The following USP34 variants were observed in gnomAD, a reference collection of about 807,000 sequenced individuals.
The protein encoded by USP34 is ubiquitin specific peptidase 34.
A neutral mutation model predicts 460.3 loss-of-function variants in USP34; 70 were observed. That is an observed-to-expected ratio of 0.15 (90% CI 0.13 to 0.19). The LOEUF (loss-of-function observed/expected upper bound fraction) is 0.19. Among genes scored for constraint, USP34 ranks in the 10% least tolerant of loss-of-function variants. The probability of loss-of-function intolerance (pLI) is 1.00; values close to 1 mark genes in which losing one functional copy is unlikely to be tolerated. For synonymous variants in USP34, 1,647 were observed against 1,405.3 expected (o/e 1.17, Z -3.85); for missense variants, 3,985 against 4,236.2 (o/e 0.94, Z 1.65).
intron 8 of USP34, among the ~76,000 whole-genome samples, chr2:61,377,115 G>A (rs1005930036): frequency 8.5e-5 from 13 of 152,144 alleles, no homozygotes; most frequent in African/African-American, 3.1e-4. Flanking sequence ...CTCATATAGT[G>A]ATAAATCCAA....
At chr2:61,360,897 T>C (rs1366421121) in intron 10 of USP34, among the ~76,000 whole-genome samples, 1 of 152,180 alleles carries the variant, frequency 6.6e-6, no homozygotes, top group East Asian at 1.9e-4. Context: ...GCTCAAGCTA[T>C]CAGAAGTTAG....
At chr2:61,244,892 C>A (rs1688379855) in intron 51 of USP34, among the ~76,000 whole-genome samples, 1 of 152,140 alleles carries the variant, frequency 6.6e-6, no homozygotes, top group African/African-American at 2.4e-5. Context: ...ACAGTAATTT[C>A]TCTTTGCTCT....
chr2:61,307,534 G>A (rs1029432445), intron 27 of USP34, among the ~76,000 whole-genome samples: 15 of 151,226 alleles, frequency 9.9e-5, no homozygotes, highest in African/African-American at 3.7e-4. Context: ...ATAAATAAGA[G>A]TTTATAAGAC....
At position 61,329,923 on chromosome 2, in the gene USP34, A is replaced by T. The variant is rs150251164; in HGVS notation, c.2930+1353T>A. Among the ~76,000 whole-genome samples the T allele has an allele frequency of 2.8e-3, 426 of 152,332 alleles. 1 individual carries two copies. Among genetic ancestry groups the T allele is most frequent in the African/African-American group, 9.5e-3 (397 of 41,586 alleles). On this transcript the variant is annotated intron_variant, in intron 20 of 79. Transcript: ENST00000398571. The stretch of plus-strand genomic sequence containing the variant: ...AGCCCATGGGCTTCCCAACAGTACC[A>T]TACTGCCTTCCTAATTTGACAGATA...
At chr2:61,227,614 G>C (rs1033520825) in intron 61 of USP34, among the ~76,000 whole-genome samples, 2 of 152,064 alleles carry the variant, frequency 1.3e-5, no homozygotes, top group Non-Finnish European at 2.9e-5. Flanking sequence ...GGGAGGCTGA[G>C]GCAGGAAAAT....
At chr2:61,275,470 A>G (rs1324353453) in intron 41 of USP34, among the ~76,000 whole-genome samples, 1 of 152,016 alleles carries the variant, frequency 6.6e-6, no homozygotes, top group African/African-American at 2.4e-5. Context: ...AAATAAATAA[A>G]TAAATTAGCT....
At chr2:61,465,235 A>T (rs1028712406) in intron 1 of USP34, among the ~76,000 whole-genome samples, 1 of 152,162 alleles carries the variant, frequency 6.6e-6, no homozygotes, top group Non-Finnish European at 1.5e-5. Flanking sequence ...TAGGATCCTT[A>T]GTCTGGTTCC....
intron 5 of USP34, among the ~76,000 whole-genome samples, chr2:61,394,128 T>A (rs1048023063): frequency 6.6e-6 from 1 of 152,126 alleles, no homozygotes; most frequent in East Asian, 1.9e-4. Context: ...GTCAAAAAAA[T>A]AAATAAAAGT....
intron 2 of USP34, among the ~76,000 whole-genome samples, chr2:61,418,416 C>G (rs1318366235): frequency 1.4e-4 from 21 of 152,126 alleles, no homozygotes. Context: ...TCTCCATTAC[C>G]TATACTGTAG....
chr2:61,200,999 A>C (rs572506571), intron 75 of USP34, among the ~76,000 whole-genome samples: 1 of 152,126 alleles, frequency 6.6e-6, no homozygotes, highest in East Asian at 1.9e-4. Flanking sequence ...TAACCAAGAA[A>C]AATTTTTTTC....
At chr2:61,210,371 CTGTTA>C (rs1240358486) in intron 69 of USP34, among the ~76,000 whole-genome samples, 3 of 152,176 alleles carry the variant, frequency 2.0e-5, no homozygotes, top group Non-Finnish European at 4.4e-5. Context: ...ACTTACCTTT[CTGTTA>C]TAATTGCCTA....
In USP34 at chr2:61,380,314, C is replaced by T. The variant is rs944039289; in HGVS notation, c.869G>A (p.Arg290His). Reference protein sequence around the residue: ...SDQELRQSAARNMADLMWSTV... With the variant: ...SDQELRQSAAHNMADLMWSTV... Reference sequence around the variant, plus strand: ...GCTCCACATTAAGTCAGCCATGTTACGAGCTGCACTCTGTCGTAACTCCTG... The same window carrying T: ...GCTCCACATTAAGTCAGCCATGTTATGAGCTGCACTCTGTCGTAACTCCTG... Residue 290 changes from arginine (R) to histidine (H), a missense_variant, in exon 7 of 80, where the codon CGT becomes CAT. Arg to His is a conservative substitution (Grantham distance 29). This residue lies in a region of USP34 where 70 missense variants were observed against 109.5 expected (regional missense o/e 0.64). Coordinates refer to ENST00000398571, the MANE Select transcript of USP34 (RefSeq NM_014709.4). 1 of 1,613,986 alleles carries T rather than the reference C, an allele frequency of 6.2e-7. No individual in the cohort carries two copies. Among genetic ancestry groups the T allele is most frequent in the Admixed American group, 1.7e-5 (1 of 60,024 alleles).
intron 10 of USP34, among the ~76,000 whole-genome samples, chr2:61,364,419 A>C (rs530137582): frequency 6.6e-6 from 1 of 152,306 alleles, no homozygotes; most frequent in East Asian, 1.9e-4. Context: ...GAAGGAAATT[A>C]AGAGTTATTA....
chr2:61,420,449 TTAGC>T (rs1694323280), intron 2 of USP34, among the ~76,000 whole-genome samples: 5 of 152,190 alleles, frequency 3.3e-5, no homozygotes, highest in Admixed American at 3.3e-4. Context: ...TTACAAGCCT[TTAGC>T]TATACCATAA....
In USP34 at chr2:61,266,090, T is replaced by A. The variant is rs113399084; in HGVS notation, c.5511A>T (p.Ser1837=). 35,133 of 1,614,000 alleles carry A rather than the reference T, an allele frequency of 0.022. 416 individuals are homozygous for A. Among genetic ancestry groups the A allele is most frequent in the Non-Finnish European group, 0.024 (28,840 of 1,179,894 alleles). Residue 1837 remains serine (S), a synonymous_variant, in exon 42 of 80, where the codon TCA becomes TCT. Transcript: ENST00000398571. ...LKDRQQPKCK[S]HSSRAAAYDL... is the part of the protein sequence containing the mutation. ...CGTAAGCGGCAGCTCTTGAAGAATG[T>A]GATTTGCACTTTGGCTGTTGTCGGT...
At chr2:61,301,308 A>G in intron 28 of USP34, 46 bp downstream of exon 28, 1 of 1,591,266 alleles carries the variant, frequency 6.3e-7, no homozygotes, top group Admixed American at 1.7e-5. Context: ...TCAACTGATG[A>G]TTATAAACAG....
intron 1 of USP34, among the ~76,000 whole-genome samples, chr2:61,467,517 A>C: frequency 6.6e-6 from 1 of 151,870 alleles, no homozygotes; most frequent in Admixed American, 6.6e-5. Flanking sequence ...ACCACCCAAA[A>C]ATATGCACAA....
intron 15 of USP34, among the ~76,000 whole-genome samples, chr2:61,344,377 C>T (rs1290342504): frequency 1.3e-5 from 2 of 152,058 alleles, no homozygotes; most frequent in African/African-American, 4.8e-5. Flanking sequence ...TTTTTTACAA[C>T]TGTAGAATCA....
chr2:61,446,626 T>A (rs915487185), intron 1 of USP34, among the ~76,000 whole-genome samples: 1 of 151,874 alleles, frequency 6.6e-6, no homozygotes, highest in Non-Finnish European at 1.5e-5. Context: ...TGAAGCCCCA[T>A]CTCTACTAAA....
Sources: gnomAD v4.1 joint callset for allele counts (sites outside exome capture counted in the v4.1 genomes callset) on GRCh38, gnomAD v4.1.1 for gene constraint, gnomAD v4.1.1 regional missense constraint, MANE v1.5 for transcripts, NCBI Gene and HGNC (gene_info 2026-07-23, HGNC 2026-07-21) for gene names.